GPC5: variants seen among roughly 807,000 people sequenced by gnomAD.
GPC5 encodes the protein glypican 5, also known as glypican-5.
A neutral mutation model predicts 53.9 loss-of-function variants in GPC5; 47 were observed. That is an observed-to-expected ratio of 0.87 (90% CI 0.69 to 1.11). The LOEUF (loss-of-function observed/expected upper bound fraction) is 1.11, where lower values mean the gene tolerates loss of function less well. Ranked by LOEUF, GPC5 falls within the 50% of genes most tolerant of loss-of-function variation. The pLI is 0.00. For synonymous variants in GPC5, 286 were observed against 263.3 expected (o/e 1.09, Z -0.84); for missense variants, 748 against 713.1 (o/e 1.05, Z -0.56).
intron 2 of GPC5, among the ~76,000 whole-genome samples, chr13:91,590,850 A>G (rs553924026): frequency 8.5e-5 from 13 of 152,318 alleles, no homozygotes; most frequent in African/African-American, 3.1e-4. Context: ...AAATGGACAA[A>G]TTAATTTATA....
intron 7 of GPC5, among the ~76,000 whole-genome samples, chr13:92,684,428 G>A (rs552061380): frequency 6.6e-6 from 1 of 151,968 alleles, no homozygotes; most frequent in South Asian, 2.1e-4. Context: ...GCATCACCAT[G>A]CCCAGCTAAT....
chr13:91,412,987 T>C (rs1877920024), intron 1 of GPC5, among the ~76,000 whole-genome samples: 1 of 152,150 alleles, frequency 6.6e-6, no homozygotes, highest in African/African-American at 2.4e-5. Context: ...GCTGTATAAA[T>C]AACCAAAGTA....
At chr13:92,281,171 G>T (rs1210341765) in intron 7 of GPC5, among the ~76,000 whole-genome samples, 1 of 152,190 alleles carries the variant, frequency 6.6e-6, no homozygotes, top group African/African-American at 2.4e-5. Flanking sequence ...GTCTGAGATG[G>T]AACTACAAGG....
At chr13:92,335,695 A>G (rs1208039790) in intron 7 of GPC5, among the ~76,000 whole-genome samples, 1 of 152,182 alleles carries the variant, frequency 6.6e-6, no homozygotes, top group Non-Finnish European at 1.5e-5. Flanking sequence ...TCAAGTTTAA[A>G]GTTCCAAAGA....
chr13:92,487,287 G>C (rs1015725346), intron 7 of GPC5, among the ~76,000 whole-genome samples: 1 of 152,166 alleles, frequency 6.6e-6, no homozygotes, highest in East Asian at 1.9e-4. Context: ...GTTTTCTCAG[G>C]AGACTATTTG....
intron 1 of GPC5, among the ~76,000 whole-genome samples, chr13:91,430,999 T>C (rs966668651): frequency 3.3e-5 from 5 of 152,066 alleles, no homozygotes; most frequent in African/African-American, 9.7e-5. Flanking sequence ...CTCAGTCTTC[T>C]AAGTAGCTGG....
chr13:92,622,693 T>C (rs752799163), intron 7 of GPC5, among the ~76,000 whole-genome samples: 5 of 152,062 alleles, frequency 3.3e-5, no homozygotes, highest in Non-Finnish European at 7.4e-5. Flanking sequence ...GTCTTCTGAG[T>C]AGCTGGGATT....
At chr13:92,566,950 A>T (rs1358032818) in intron 7 of GPC5, among the ~76,000 whole-genome samples, 1 of 152,136 alleles carries the variant, frequency 6.6e-6, no homozygotes, top group Non-Finnish European at 1.5e-5. Context: ...TAAATATTTG[A>T]TGACACATTG....
At chr13:91,909,093 T>C (rs989529034) in intron 6 of GPC5, among the ~76,000 whole-genome samples, 1 of 152,196 alleles carries the variant, frequency 6.6e-6, no homozygotes, top group Non-Finnish European at 1.5e-5. Context: ...GATTTCTCCC[T>C]TCTGCGAGGC....
chr13:91,433,308 T>C (rs1375163865), intron 1 of GPC5, among the ~76,000 whole-genome samples: 4 of 151,780 alleles, frequency 2.6e-5, no homozygotes, highest in East Asian at 1.9e-4. Context: ...CAGTAACTCG[T>C]CATTTAACAT....
intron 5 of GPC5, among the ~76,000 whole-genome samples, chr13:91,769,249 A>G (rs1267924815): frequency 1.3e-5 from 2 of 152,288 alleles, no homozygotes; most frequent in East Asian, 1.9e-4. Flanking sequence ...GACCACCAAC[A>G]TTATGGAGGC....
intron 7 of GPC5, among the ~76,000 whole-genome samples, chr13:92,752,512 C>T (rs568844780): frequency 1.5e-4 from 23 of 152,220 alleles, no homozygotes; most frequent in Admixed American, 1.2e-3. Context: ...GGAATAGCTC[C>T]GGTCTACAGC....
intron 7 of GPC5, among the ~76,000 whole-genome samples, chr13:92,381,384 C>G (rs915758237): frequency 3.3e-5 from 5 of 152,122 alleles, no homozygotes; most frequent in African/African-American, 1.2e-4. Flanking sequence ...TTAGAAAGGT[C>G]TGATTTGCAT....
intron 7 of GPC5, among the ~76,000 whole-genome samples, chr13:92,227,513 C>G (rs2042496691): frequency 6.6e-6 from 1 of 152,126 alleles, no homozygotes; most frequent in Admixed American, 6.5e-5. Context: ...GGTCTCCTTT[C>G]TTAAATGTAA....
At chr13:91,547,698 A>G (rs1281495050) in intron 2 of GPC5, among the ~76,000 whole-genome samples, 4 of 152,106 alleles carry the variant, frequency 2.6e-5, no homozygotes, top group Non-Finnish European at 5.9e-5. Flanking sequence ...ACTACAGACC[A>G]ATATTTATTG....
rs181520470 is a variant in GPC5 at position 91,700,328 on chromosome 13, A to G, written c.1020+6447A>G. On this transcript the variant is annotated intron_variant, in intron 3 of 7. Transcript: ENST00000377067. ...GTTCATAGAACTTTGAAAGTGTTGC[A>G]TGATTATTTTGTGATTTTATCTTTC... Among the ~76,000 whole-genome samples the G allele has an allele frequency of 4.7e-4, 72 of 152,352 alleles. 1 individual carries two copies. Among genetic ancestry groups the G allele is most frequent in the African/African-American group, 1.7e-3 (69 of 41,590 alleles).
intron 7 of GPC5, among the ~76,000 whole-genome samples, chr13:92,789,516 G>A (rs1349914828): frequency 6.6e-6 from 1 of 152,040 alleles, no homozygotes; most frequent in Non-Finnish European, 1.5e-5. Flanking sequence ...TATCATGTGT[G>A]AAACTGTCAA....
At chr13:91,942,660 AAATATAG>A (rs893590814) in intron 6 of GPC5, among the ~76,000 whole-genome samples, 1 of 91,928 alleles carries the variant, frequency 1.1e-5, no homozygotes, top group Admixed American at 9.5e-5. Flanking sequence ...CTTGTGAAAA[AAATATAG>A]ATATAGATAT....
At chr13:92,295,890 G>A (rs1229358568) in intron 7 of GPC5, among the ~76,000 whole-genome samples, 1 of 152,118 alleles carries the variant, frequency 6.6e-6, no homozygotes, top group Non-Finnish European at 1.5e-5. Flanking sequence ...GCAGATGGCT[G>A]GTGAATTCTT....
Sources: gnomAD v4.1 joint callset for allele counts (sites outside exome capture counted in the v4.1 genomes callset) on GRCh38, gnomAD v4.1.1 for gene constraint, MANE v1.5 for transcripts, NCBI Gene and HGNC (gene_info 2026-07-23, HGNC 2026-07-21) for gene names.